The following GEN1 variants were observed in gnomAD, a reference collection of about 807,000 sequenced individuals.
The protein encoded by GEN1 is GEN1 structure-specific endonuclease.
A neutral mutation model predicts 67.6 loss-of-function variants in GEN1; 64 were observed. That is an observed-to-expected ratio of 0.95 (90% CI 0.77 to 1.17). The LOEUF (loss-of-function observed/expected upper bound fraction) is 1.17, where lower values mean the gene tolerates loss of function less well. GEN1 is among the 50% of genes most tolerant of loss of function. The pLI, the probability that GEN1 is intolerant of heterozygous loss-of-function variation, is 0.00. For synonymous variants in GEN1, 371 were observed against 359.4 expected (o/e 1.03, Z -0.37); for missense variants, 1,058 against 1,048.3 (o/e 1.01, Z -0.13).
rs1222364123 is a variant in GEN1, at chr2:17,787,315, C to T, written c.*5376C>T. The T allele has an allele frequency of 6.6e-6, 1 of 152,196 alleles. No individual in the cohort carries two copies. Among genetic ancestry groups the T allele is most frequent in the East Asian group, 1.9e-4 (1 of 5,202 alleles). The allele number at this position is 152,196 out of a possible 1,614,324, so 9.4% of individuals were successfully genotyped here. Reference sequence around the variant, plus strand: ...CTTAAAAATGCCTCTATCTCTCCCTCAGATAAGACTAAGATCTCTGAGCAC... The same window carrying T: ...CTTAAAAATGCCTCTATCTCTCCCTTAGATAAGACTAAGATCTCTGAGCAC... On this transcript the variant is annotated 3_prime_UTR_variant, in exon 14 of 14. Transcript: ENST00000381254.
At chr2:17,761,367 TTAATG>T (rs1432369490) in intron 2 of GEN1, 24 bp from the exon 3 acceptor site, 3 of 1,241,854 alleles carry the variant, frequency 2.4e-6, no homozygotes, top group Non-Finnish European at 3.5e-6. Flanking sequence ...TGTTTGATGA[TTAATG>T]TATTACTAAT....
chr2:17,787,328 G>A lies in GEN1; in HGVS notation c.*5389G>A, dbSNP rs1451856151. On this transcript the variant is annotated 3_prime_UTR_variant, in exon 14 of 14. Coordinates refer to ENST00000381254, the MANE Select transcript of GEN1 (RefSeq NM_001130009.3). ...CTATCTCTCCCTCAGATAAGACTAA[G>A]ATCTCTGAGCACAGGAATCAAGTCT... 6.6e-6 allele frequency: 1 copy of A among 152,132 alleles called. No individual in the cohort carries two copies. The highest frequency in any genetic ancestry group is 2.4e-5 in the African/African-American group (1 of 41,420). 9.4% of individuals were successfully genotyped at this position (152,132 alleles called of 1,614,324 possible).
chr2:17,788,343 T>C lies in GEN1; in HGVS notation c.*6404T>C, dbSNP rs1218472679. Reference sequence around the variant, plus strand: ...CATGCTGCAGAGTCAGCCCCAGCAATAGTCCAAAACAGTGGGACTCTTTTT... The same window carrying C: ...CATGCTGCAGAGTCAGCCCCAGCAACAGTCCAAAACAGTGGGACTCTTTTT... On this transcript the variant is annotated 3_prime_UTR_variant, in exon 14 of 14. Coordinates refer to ENST00000381254, the MANE Select transcript of GEN1 (RefSeq NM_001130009.3). The C allele has an allele frequency of 6.6e-6, 1 of 152,206 alleles. No individual in the cohort carries two copies. Among genetic ancestry groups the C allele is most frequent in the East Asian group, 1.9e-4 (1 of 5,196 alleles). The allele number at this position is 152,206 out of a possible 1,614,324, so 9.4% of individuals were successfully genotyped here.
rs970603455 is a variant in GEN1 at position 17,782,800 on chromosome 2, C to G, written c.*861C>G. 4 of 152,116 alleles carry G rather than the reference C, an allele frequency of 2.6e-5. No homozygotes were observed. The highest frequency in any genetic ancestry group is 6.6e-5 in the Admixed American group (1 of 15,264). The allele number at this position is 152,116 out of a possible 1,614,324, so 9.4% of individuals were successfully genotyped here. On this transcript the variant is annotated 3_prime_UTR_variant, in exon 14 of 14. Transcript: ENST00000381254. ...TTTTCTATTTTTTCCTTCTATAGCA[C>G]TTTTCCCCCTTTTGTTTTGAATCTA...
rs1320599306 is a variant in GEN1 at position 17,754,159 on chromosome 2, G to A, written c.-202G>A. On this transcript the variant is annotated 5_prime_UTR_variant, in exon 1 of 14. Coordinates refer to ENST00000381254, the MANE Select transcript of GEN1 (RefSeq NM_001130009.3). ...CGGCGCTGGATTCGAAACGCTTCCTGGTGCTCCTGGGCCTGGCGGTTGAGC... is the reference window on the plus strand; with the variant it reads ...CGGCGCTGGATTCGAAACGCTTCCTAGTGCTCCTGGGCCTGGCGGTTGAGC... 1.3e-5 allele frequency: 2 copies of A among 152,316 alleles called. No individual in the cohort carries two copies. The highest frequency in any genetic ancestry group is 4.8e-5 in the African/African-American group (2 of 41,432). 9.4% of individuals were successfully genotyped at this position (152,316 alleles called of 1,614,324 possible).
rs759632938 is a variant in GEN1 at position 17,773,317 on chromosome 2, C to T, written c.1071+18C>T. ...TGTTTCAGGTATCTGAAAATAAATT[C>T]TTCTTTACTGTATGAAGTTATATGC... On this transcript the variant is annotated intron_variant, in intron 10 of 13. Transcript: ENST00000381254. The T allele has an allele frequency of 3.5e-5, 50 of 1,440,106 alleles. No homozygotes were observed. The Admixed American group carries it at 7.5e-4, about 22-fold the overall frequency. The allele number at this position is 1,440,106 out of a possible 1,614,324, so 89.2% of individuals were successfully genotyped here.
chr2:17,780,520 A>G (rs1393544393), intron 13 of GEN1, 101 bp from the exon 14 acceptor site: 4 of 736,760 alleles, frequency 5.4e-6, no homozygotes, highest in Non-Finnish European at 8.7e-6. Context: ...GGCAGAAACT[A>G]TTCATAGAGA....
At chr2:17,756,261 C>T (rs1671428694) in intron 1 of GEN1, among the ~76,000 whole-genome samples, 1 of 152,148 alleles carries the variant, frequency 6.6e-6, no homozygotes, top group East Asian at 1.9e-4. Flanking sequence ...TGTGTTCTGA[C>T]TTTGTTGATT....
intron 12 of GEN1, 110 bp from the exon 13 acceptor site, chr2:17,779,868 C>A: frequency 1.3e-6 from 1 of 778,394 alleles, no homozygotes; most frequent in South Asian, 1.8e-5. Flanking sequence ...GATCCGCCCG[C>A]CTTGGCCTCC....
At chr2:17,780,477 T>G (rs1236924295) in intron 13 of GEN1, 144 bp from the exon 14 acceptor site, 10 of 589,250 alleles carry the variant, frequency 1.7e-5, no homozygotes, top group Non-Finnish European at 2.7e-5. Flanking sequence ...GGGAAATATT[T>G]TATAATCTAG....
intron 11 of GEN1, among the ~76,000 whole-genome samples, chr2:17,775,525 C>G (rs949202223): frequency 6.6e-6 from 1 of 151,886 alleles, no homozygotes; most frequent in African/African-American, 2.4e-5. Flanking sequence ...CATGAAATAC[C>G]CAAGGCATAT....
At position 17,781,257 on chromosome 2, in the gene GEN1, TATC is replaced by T. The variant is rs1672817298; in HGVS notation, c.2048_2050del (p.Ser683del). On this transcript the variant is annotated inframe_deletion, in exon 14 of 14. Transcript: ENST00000381254. ...TTAAAGGAACGAATATTTACAAAAT[TATC>T]ATATCCTCAGGATAATCTACAACCA... The T allele has an allele frequency of 1.1e-5, 18 of 1,613,482 alleles. No homozygotes were observed. Among genetic ancestry groups the T allele is most frequent in the African/African-American group, 1.3e-5 (1 of 74,928 alleles).
intron 12 of GEN1, among the ~76,000 whole-genome samples, chr2:17,778,544 T>C (rs1299467791): frequency 2.0e-5 from 3 of 151,890 alleles, no homozygotes; most frequent in African/African-American, 7.3e-5. Context: ...ATAGTTTGCC[T>C]GTGTTATTTT....
rs190779799 is a variant in GEN1 at position 17,779,189 on chromosome 2, C to T, written c.1265-789C>T. On this transcript the variant is annotated intron_variant, in intron 12 of 13. Transcript: ENST00000381254. ...CCACCCACTTCGGCCTCCCAAAGTGCTGGGATTACAGGCGTGAGCCACTGC... is the reference window on the plus strand; with the variant it reads ...CCACCCACTTCGGCCTCCCAAAGTGTTGGGATTACAGGCGTGAGCCACTGC... Among the ~76,000 whole-genome samples, 17 of 152,304 alleles carry T rather than the reference C, an allele frequency of 1.1e-4. No individual in the cohort carries two copies. The East Asian group carries it at 3.1e-3, about 28-fold the overall frequency.
chr2:17,777,917 ATC>A (rs953318808), intron 11 of GEN1, 83 bp from the exon 12 acceptor site: 67 of 731,790 alleles, frequency 9.2e-5, no homozygotes, highest in Non-Finnish European at 1.5e-4. Context: ...GGAAAAAAAA[ATC>A]TATGGAAATT....
chr2:17,768,707 T>C (rs200494408), intron 5 of GEN1, 31 bp from the exon 6 acceptor site: 2 of 1,480,318 alleles, frequency 1.4e-6, no homozygotes, highest in African/African-American at 1.4e-5. Flanking sequence ...TGATTAACAT[T>C]GGAATTATTT....
intron 8 of GEN1, 94 bp downstream of exon 8, chr2:17,772,878 G>C: frequency 8.5e-7 from 1 of 1,179,384 alleles, no homozygotes; most frequent in Admixed American, 2.9e-5. Flanking sequence ...CCCATATCTA[G>C]ATTAGTCACA....
Position 17,785,010 on chromosome 2 carries a change from G to A in GEN1, c.*3071G>A, listed in dbSNP as rs1673009741. ...ACCGCCTGAGCTCTGCCTCCTGTCA[G>A]ATCAGCGGTGGCATTAGAGTCTCAT... On this transcript the variant is annotated 3_prime_UTR_variant, in exon 14 of 14. Transcript: ENST00000381254. The A allele has an allele frequency of 6.6e-6, 1 of 152,270 alleles. No homozygotes were observed. Among genetic ancestry groups the A allele is most frequent in the Non-Finnish European group, 1.5e-5 (1 of 68,096 alleles). 9.4% of individuals were successfully genotyped at this position (152,270 alleles called of 1,614,324 possible).
intron 1 of GEN1, among the ~76,000 whole-genome samples, chr2:17,758,953 A>G (rs1241322824): frequency 6.6e-6 from 1 of 152,224 alleles, no homozygotes; most frequent in East Asian, 1.9e-4. Context: ...CAACGCTTCC[A>G]GCATTTATTT....
Sources: allele counts gnomAD v4.1 joint callset (sites outside exome capture counted in the v4.1 genomes callset), GRCh38; gene constraint gnomAD v4.1.1; transcripts MANE v1.5; gene names NCBI Gene and HGNC (gene_info 2026-07-23, HGNC 2026-07-21).